The following LRRTM4 variants were observed in gnomAD, a reference collection of about 807,000 sequenced individuals.
The protein encoded by LRRTM4 is leucine-rich repeat transmembrane neuronal protein 4.
LRRTM4 carries 25 observed loss-of-function variants against 47.6 expected under a neutral mutation model. The ratio of observed to expected loss-of-function variants is 0.53; its 90% CI spans 0.38 to 0.73. The LOEUF (loss-of-function observed/expected upper bound fraction) is 0.73, where lower values mean the gene tolerates loss of function less well. Among genes scored for constraint, LRRTM4 ranks in the 30% least tolerant of loss-of-function variants. The pLI is 0.00. For missense variants in LRRTM4, 638 were observed against 713.4 expected (o/e 0.89, Z 1.20); for synonymous variants, 311 against 269.5 (o/e 1.15, Z -1.51).
chr2:76,967,082 G>A (rs1324118107), intron 3 of LRRTM4, among the ~76,000 whole-genome samples: 3 of 149,666 alleles, frequency 2.0e-5, no homozygotes, highest in Admixed American at 2.0e-4. Context: ...AACATCACAT[G>A]TTTACTGTCT....
chr2:76,906,400 T>C (rs566232810), intron 3 of LRRTM4, among the ~76,000 whole-genome samples: 2 of 151,768 alleles, frequency 1.3e-5, no homozygotes, highest in Non-Finnish European at 2.9e-5. Context: ...TCATGCCAAA[T>C]TGTAAAGACC....
intron 3 of LRRTM4, among the ~76,000 whole-genome samples, chr2:76,941,345 G>C (rs997757048): frequency 6.6e-6 from 1 of 151,960 alleles, no homozygotes; most frequent in African/African-American, 2.4e-5. Flanking sequence ...TTTAAGTTCT[G>C]GGATACATGT....
At chr2:77,368,523 T>C (rs2103762932) in intron 3 of LRRTM4, among the ~76,000 whole-genome samples, 1 of 151,958 alleles carries the variant, frequency 6.6e-6, no homozygotes, top group South Asian at 2.1e-4. Context: ...AATATTCCTA[T>C]TTACAGATGA....
chr2:77,066,250 T>TATAGTTTTTATGGGTTTA lies in LRRTM4; in HGVS notation c.1552-317335_1552-317334insTAAACCCATAAAAACTAT, dbSNP rs538614839. ...TATAGTACGTAGGTTTTTATGTGTCTCAGTTCTTCATCTATAAAACTGGGT... is the reference window on the plus strand; with the variant it reads ...TATAGTACGTAGGTTTTTATGTGTCTATAGTTTTTATGGGTTTACAGTTCTTCATCTATAAAACTGGGT... On this transcript the variant is annotated intron_variant, in intron 3 of 3. Coordinates refer to ENST00000409884, the MANE Select transcript of LRRTM4 (RefSeq NM_001134745.3). Among the ~76,000 whole-genome samples, 738 of 152,312 alleles carry TATAGTTTTTATGGGTTTA rather than the reference T, an allele frequency of 4.8e-3. 3 individuals are homozygous for TATAGTTTTTATGGGTTTA. The highest frequency in any genetic ancestry group is 9.3e-3 in the Non-Finnish European group (633 of 68,016).
At chr2:77,209,682 C>A (rs897799163) in intron 3 of LRRTM4, among the ~76,000 whole-genome samples, 4 of 152,138 alleles carry the variant, frequency 2.6e-5, no homozygotes, top group Non-Finnish European at 5.9e-5. Context: ...TTCTAGTGAA[C>A]TATATAATTT....
intron 3 of LRRTM4, among the ~76,000 whole-genome samples, chr2:77,198,790 T>A (rs1280721660): frequency 6.6e-6 from 1 of 152,186 alleles, no homozygotes; most frequent in Non-Finnish European, 1.5e-5. Flanking sequence ...GCTAATGTAG[T>A]CCTCCTTGCC....
intron 3 of LRRTM4, among the ~76,000 whole-genome samples, chr2:77,387,273 G>GAT (rs1673315574): frequency 2.6e-5 from 4 of 152,106 alleles, no homozygotes; most frequent in Non-Finnish European, 1.5e-5. Context: ...GGGACATACT[G>GAT]ATATATATAA....
chr2:77,071,250 CTTTAA>C (rs997626625), intron 3 of LRRTM4, among the ~76,000 whole-genome samples: 2 of 152,148 alleles, frequency 1.3e-5, no homozygotes, highest in African/African-American at 2.4e-5. Context: ...ATAACTTAAA[CTTTAA>C]TTTGTTTGTG....
At position 76,842,936 on chromosome 2, in the gene LRRTM4, T is replaced by C. The variant is rs147346907; in HGVS notation, c.1552-94020A>G. 6.4e-3 allele frequency among the ~76,000 whole-genome samples: 977 copies of C among 152,280 alleles called. 6 individuals are homozygous for C. The highest frequency in any genetic ancestry group is 0.017 in the Middle Eastern group (5 of 294). On this transcript the variant is annotated intron_variant, in intron 3 of 3. Transcript: ENST00000409884. ...AGAATATCTACTTTTTGTAAATATATAGTTGGAGTCAGCTGTCCCTTCTAT... is the reference window on the plus strand; with the variant it reads ...AGAATATCTACTTTTTGTAAATATACAGTTGGAGTCAGCTGTCCCTTCTAT...
chr2:77,461,138 T>TAA (rs369727781), intron 3 of LRRTM4, among the ~76,000 whole-genome samples: 1 of 145,358 alleles, frequency 6.9e-6, no homozygotes, highest in Non-Finnish European at 1.5e-5. Context: ...ACATACACAG[T>TAA]GAGAGAGAGA....
At position 76,748,592 on chromosome 2, in the gene LRRTM4, G is replaced by A. The variant is rs1203638930; in HGVS notation, c.*103C>T. 3.3e-6 allele frequency: 3 copies of A among 922,432 alleles called. No homozygotes were observed. The highest frequency in any genetic ancestry group is 1.6e-5 in the African/African-American group (1 of 60,962). The allele number at this position is 922,432 out of a possible 1,614,324, so 57.1% of individuals were successfully genotyped here. The stretch of plus-strand genomic sequence containing the variant: ...ATGCCATAAATGTTTTAACAGGAAC[G>A]ATGAGCTTGCTCGATTGCGCGATTG... On this transcript the variant is annotated 3_prime_UTR_variant, in exon 4 of 4. Coordinates refer to ENST00000409884, the MANE Select transcript of LRRTM4 (RefSeq NM_001134745.3).
Position 77,432,572 on chromosome 2 carries a change from C to A in LRRTM4, c.1551+85746G>T, listed in dbSNP as rs1675425657. Among the ~76,000 whole-genome samples the A allele has an allele frequency of 2.0e-5, 3 of 152,164 alleles. No homozygotes were observed. The South Asian group carries it at 6.2e-4, about 31-fold the overall frequency. ...AAGCCAGTCATCGACATATGGGATA[C>A]AACATTCTCACTACTGAATTCTAAT... is the stretch of plus-strand genomic sequence containing the variant. On this transcript the variant is annotated intron_variant, in intron 3 of 3. Coordinates refer to ENST00000409884, the MANE Select transcript of LRRTM4 (RefSeq NM_001134745.3).
chr2:76,920,732 C>A (rs1209630981), intron 3 of LRRTM4, among the ~76,000 whole-genome samples: 2 of 152,088 alleles, frequency 1.3e-5, no homozygotes, highest in Non-Finnish European at 2.9e-5. Flanking sequence ...GCTCCCAGAA[C>A]AACTTATAGT....
At chr2:76,836,314 G>A (rs1671511249) in intron 3 of LRRTM4, among the ~76,000 whole-genome samples, 1 of 151,682 alleles carries the variant, frequency 6.6e-6, no homozygotes, top group Non-Finnish European at 1.5e-5. Context: ...ACCTAATCAA[G>A]TTTTTTTTAA....
intron 2 of LRRTM4, 111 bp downstream of exon 2, chr2:77,521,557 G>T: frequency 5.7e-6 from 7 of 1,227,984 alleles, no homozygotes; most frequent in Non-Finnish European, 5.9e-6. Context: ...AAACTCAAAG[G>T]CTGCTGCTCT....
intron 3 of LRRTM4, among the ~76,000 whole-genome samples, chr2:77,092,290 C>A (rs1462501197): frequency 1.3e-5 from 2 of 151,980 alleles, no homozygotes; most frequent in African/African-American, 4.8e-5. Context: ...CTGTGATCCA[C>A]CTGACATTCA....
intron 3 of LRRTM4, among the ~76,000 whole-genome samples, chr2:77,091,858 C>G (rs1178760614): frequency 7.0e-6 from 1 of 143,052 alleles, no homozygotes; most frequent in Admixed American, 7.0e-5. Flanking sequence ...TCGTGTCCAA[C>G]TGATCTCTCA....
At chr2:77,118,857 T>A (rs1671455557) in intron 3 of LRRTM4, among the ~76,000 whole-genome samples, 1 of 151,830 alleles carries the variant, frequency 6.6e-6, no homozygotes, top group South Asian at 2.1e-4. Flanking sequence ...CTTATAAAGC[T>A]GAGTAGACCA....
chr2:76,976,971 T>A (rs1676437971), intron 3 of LRRTM4, among the ~76,000 whole-genome samples: 3 of 151,290 alleles, frequency 2.0e-5, no homozygotes, highest in South Asian at 4.2e-4. Flanking sequence ...GTACATTATG[T>A]GTCAACTAAA....
Sources: gnomAD v4.1 joint callset for allele counts (sites outside exome capture counted in the v4.1 genomes callset) on GRCh38, gnomAD v4.1.1 for gene constraint, MANE v1.5 for transcripts, NCBI Gene and HGNC (gene_info 2026-07-23, HGNC 2026-07-21) for gene names.